GFOD2: variants seen among roughly 807,000 people sequenced by gnomAD.
The protein encoded by GFOD2 is Gfo/Idh/MocA-like oxidoreductase domain containing 2.
In GFOD2, 9 loss-of-function variants were observed where a neutral mutation model predicts 24.6. The ratio of observed to expected loss-of-function variants is 0.37; its 90% CI spans 0.22 to 0.64. The LOEUF (loss-of-function observed/expected upper bound fraction) is 0.64. Ranked by LOEUF, GFOD2 falls within the 30% of genes least tolerant of loss-of-function variation. The pLI is 0.65. For missense variants in GFOD2, 476 were observed against 532.5 expected, an observed-to-expected ratio of 0.89 and a Z score of 1.04; for synonymous variants, 211 against 224.8, an observed-to-expected ratio of 0.94 and a Z score of 0.55.
rs547795360 is a variant in GFOD2, at chr16:67,678,593, T to G, written c.260-2540A>C. On this transcript the variant is annotated intron_variant, in intron 2 of 2. Transcript: ENST00000268797. ...CAATTACTGGTGCTGGACTCAAGCT[T>G]TGGAGCCAGAAATTCCTGTGCTCAA... is the stretch of plus-strand genomic sequence containing the variant. Among the ~76,000 whole-genome samples the G allele has an allele frequency of 6.6e-5, 10 of 152,328 alleles. No homozygotes were observed. The East Asian group carries it at 1.3e-3, about 21-fold the overall frequency.
At chr16:67,690,028 T>C (rs983977175) in intron 1 of GFOD2, among the ~76,000 whole-genome samples, 1 of 152,230 alleles carries the variant, frequency 6.6e-6, no homozygotes, top group African/African-American at 2.4e-5. Flanking sequence ...CTTCCTTCCT[T>C]TTCAAGGTTG....
chr16:67,685,851 T>C lies in GFOD2; in HGVS notation c.-87-49A>G, dbSNP rs886291188. 1.3e-5 allele frequency: 14 copies of C among 1,102,212 alleles called. No individual in the cohort carries two copies. The Admixed American group carries it at 3.0e-4, about 23-fold the overall frequency. The allele number at this position is 1,102,212 out of a possible 1,614,324, so 68.3% of individuals were successfully genotyped here. On this transcript the variant is annotated intron_variant, in intron 1 of 2. Transcript: ENST00000268797. ...GTTATTACTGGAGAGGACACTCAGCTGAGGCTACTTTCTTTTTTTTTTGAG... is the reference window on the plus strand; with the variant it reads ...GTTATTACTGGAGAGGACACTCAGCCGAGGCTACTTTCTTTTTTTTTTGAG...
intron 1 of GFOD2, among the ~76,000 whole-genome samples, chr16:67,706,064 C>A (rs1311810529): frequency 6.8e-6 from 1 of 146,744 alleles, no homozygotes; most frequent in East Asian, 2.1e-4. Context: ...CTCACTGCAA[C>A]CTCCGCCTCC....
intron 2 of GFOD2, chr16:67,681,989 G>GT: frequency 2.2e-6 from 1 of 446,586 alleles, no homozygotes; most frequent in Non-Finnish European, 3.0e-6. Context: ...AAACCAGCTT[G>GT]AACAACACAG....
chr16:67,692,084 T>C (rs1398698016), intron 1 of GFOD2, among the ~76,000 whole-genome samples: 4 of 152,010 alleles, frequency 2.6e-5, no homozygotes, highest in Non-Finnish European at 4.4e-5. Context: ...TACAAAGATA[T>C]TTACCACATC....
At chr16:67,684,910 T>C (rs2053254376) in intron 2 of GFOD2, 3 of 996,494 alleles carry the variant, frequency 3.0e-6, no homozygotes, top group East Asian at 1.1e-4. Flanking sequence ...GGAGATGTCA[T>C]GTAAGCAGGC....
At chr16:67,701,132 G>A (rs186778461) in intron 1 of GFOD2, among the ~76,000 whole-genome samples, 2 of 152,164 alleles carry the variant, frequency 1.3e-5, no homozygotes, top group African/African-American at 2.4e-5. Flanking sequence ...ACTGGCAAGG[G>A]TAGGAAGCAA....
At chr16:67,686,617 G>C (rs185793090) in intron 1 of GFOD2, among the ~76,000 whole-genome samples, 1 of 151,708 alleles carries the variant, frequency 6.6e-6, no homozygotes, top group Admixed American at 6.6e-5. Flanking sequence ...ATCACCTGAG[G>C]TAAGGAGTTC....
At position 67,683,768 on chromosome 16, in the gene GFOD2, G is replaced by T. The variant is rs2053245313; in HGVS notation, c.259+1689C>A. ...AGATAAGTAGCAGACCCTGAGGTTT[G>T]CCACCATGGCAGTGGTCAGGAAGAG... On this transcript the variant is annotated intron_variant, in intron 2 of 2. Transcript: ENST00000268797. 2.4e-6 allele frequency: 3 copies of T among 1,226,778 alleles called. No homozygotes were observed. The East Asian group carries it at 9.6e-5, about 39-fold the overall frequency. 76.0% of individuals were successfully genotyped at this position (1,226,778 alleles called of 1,614,324 possible).
intron 2 of GFOD2, 115 bp downstream of exon 2, chr16:67,685,342 C>G (rs1417104509): frequency 1.3e-6 from 2 of 1,524,706 alleles, no homozygotes; most frequent in South Asian, 2.5e-5. Flanking sequence ...TCCCAGAGTT[C>G]TCCTCCCTGC....
In GFOD2 at chr16:67,683,701, G is replaced by A. The variant is rs73599511; in HGVS notation, c.259+1756C>T. 6.8e-4 allele frequency: 832 copies of A among 1,230,522 alleles called. 8 individuals are homozygous for A. The African/African-American group carries it at 0.012, about 18-fold the overall frequency. The allele number at this position is 1,230,522 out of a possible 1,614,324, so 76.2% of individuals were successfully genotyped here. On this transcript the variant is annotated intron_variant, in intron 2 of 2. Transcript: ENST00000268797. ...TCCTTCCCTACCCACTGAGCCAGAGGTGACAGACACCTTCCTATGACATTC... is the reference window on the plus strand; with the variant it reads ...TCCTTCCCTACCCACTGAGCCAGAGATGACAGACACCTTCCTATGACATTC...
intron 1 of GFOD2, among the ~76,000 whole-genome samples, chr16:67,704,295 T>A (rs1004480547): frequency 3.9e-5 from 6 of 152,210 alleles, no homozygotes; most frequent in Non-Finnish European, 8.8e-5. Context: ...CAGCTTTGTG[T>A]CAGCTGAAAA....
chr16:67,695,016 G>A (rs1454372659), intron 1 of GFOD2, among the ~76,000 whole-genome samples: 7 of 127,830 alleles, frequency 5.5e-5, no homozygotes, highest in Admixed American at 8.9e-5. Context: ...TTTTTGAGAC[G>A]GAGTCTCACT....
At chr16:67,703,356 T>C (rs970403017) in intron 1 of GFOD2, among the ~76,000 whole-genome samples, 6 of 152,100 alleles carry the variant, frequency 3.9e-5, no homozygotes, top group East Asian at 1.9e-4. Flanking sequence ...TGAGCCGAGA[T>C]AGCGCCTTTG....
chr16:67,709,875 G>A lies in GFOD2; in HGVS notation c.-88+9288C>T, dbSNP rs761909608. On this transcript the variant is annotated intron_variant, in intron 1 of 2. Transcript: ENST00000268797. ...ACTCTTGTCCTCAAGTGATCCGCCC[G>A]TCTCAGCCTCCCAAAGTGTTGGGAT... Among the ~76,000 whole-genome samples, 11 of 152,114 alleles carry A rather than the reference G, an allele frequency of 7.2e-5. No individual in the cohort carries two copies. The East Asian group carries it at 7.7e-4, about 11-fold the overall frequency.
At chr16:67,717,858 A>T (rs1482061321) in intron 1 of GFOD2, among the ~76,000 whole-genome samples, 1 of 152,138 alleles carries the variant, frequency 6.6e-6, no homozygotes, top group East Asian at 1.9e-4. Context: ...GCAAAGTGGG[A>T]AAACCAGGTG....
In GFOD2 at chr16:67,676,035, A is replaced by G. The variant is rs1329064936; in HGVS notation, c.278T>C (p.Val93Ala). Residue 93 changes from valine (V) to alanine (A), a missense_variant, in exon 3 of 3, where the codon GTT (valine) becomes GCT (alanine). By Grantham distance (64) the Val-to-Ala change is moderately conservative. Coordinates refer to ENST00000268797, the MANE Select transcript of GFOD2 (RefSeq NM_030819.4). Reference protein sequence around the residue: ...VKALGIGKNVVCEKAATSVDA... With the variant: ...VKALGIGKNVACEKAATSVDA... ...CACCGATGTTGCTGCCTTCTCGCAAACCACATTCTTCCCAATACCTAACAA... is the reference window on the plus strand; with the variant it reads ...CACCGATGTTGCTGCCTTCTCGCAAGCCACATTCTTCCCAATACCTAACAA... 6.2e-7 allele frequency: 1 copy of G among 1,610,996 alleles called. No homozygotes were observed. The highest frequency in any genetic ancestry group is 8.5e-7 in the Non-Finnish European group (1 of 1,178,342).
At chr16:67,717,985 C>T (rs770508748) in intron 1 of GFOD2, among the ~76,000 whole-genome samples, 18 of 152,170 alleles carry the variant, frequency 1.2e-4, no homozygotes, top group Admixed American at 2.0e-4. Flanking sequence ...ACTCCCAATC[C>T]CAAAGCAGTT....
intron 2 of GFOD2, chr16:67,681,750 G>A (rs906802796): frequency 1.0e-6 from 1 of 985,250 alleles, no homozygotes; most frequent in Non-Finnish European, 1.2e-6. Flanking sequence ...AGTAGTATCA[G>A]TGTGGGACTG....
Sources: gnomAD v4.1 joint callset for allele counts (sites outside exome capture counted in the v4.1 genomes callset) on GRCh38, gnomAD v4.1.1 for gene constraint, MANE v1.5 for transcripts, NCBI Gene and HGNC (gene_info 2026-07-23, HGNC 2026-07-21) for gene names.